Variants in PTPRD observed in about 807,000 individuals in gnomAD.
The protein encoded by PTPRD is receptor-type tyrosine-protein phosphatase delta.
A neutral mutation model predicts 214.5 loss-of-function variants in PTPRD; 34 were observed. That is an observed-to-expected ratio of 0.16 (90% CI 0.12 to 0.21). The LOEUF is 0.21. Among genes scored for constraint, PTPRD ranks in the 10% least tolerant of loss-of-function variants. The pLI is 1.00. For missense variants in PTPRD, 2,545 were observed against 2,398.7 expected (o/e 1.06, Z -1.27); for synonymous variants, 1,128 against 845.7 (o/e 1.33, Z -5.79).
intron 11 of PTPRD, among the ~76,000 whole-genome samples, chr9:8,736,814 C>A (rs1335029499): frequency 1.3e-5 from 2 of 151,888 alleles, no homozygotes; most frequent in Non-Finnish European, 2.9e-5. Flanking sequence ...TTATCAATCG[C>A]CTCTGAAAAT....
chr9:9,984,086 T>C (rs1051289493), intron 4 of PTPRD, among the ~76,000 whole-genome samples: 3 of 152,120 alleles, frequency 2.0e-5, no homozygotes, highest in Non-Finnish European at 4.4e-5. Context: ...TACTGTTTTT[T>C]CTCATTTTAA....
At chr9:10,410,290 ATAAT>A (rs1475263218) in intron 2 of PTPRD, among the ~76,000 whole-genome samples, 4,542 of 132,880 alleles carry the variant, frequency 0.034, 234 homozygotes, top group East Asian at 0.26. Context: ...CACACAATAT[ATAAT>A]ATATATAATA....
At chr9:9,160,880 T>G (rs1352940654) in intron 10 of PTPRD, among the ~76,000 whole-genome samples, 1 of 152,160 alleles carries the variant, frequency 6.6e-6, no homozygotes. Flanking sequence ...TTCAACAACA[T>G]GAATGAACCT....
intron 11 of PTPRD, among the ~76,000 whole-genome samples, chr9:8,911,440 T>TGTGA (rs1171435442): frequency 8.7e-5 from 13 of 149,112 alleles, no homozygotes; most frequent in African/African-American, 2.7e-4. Context: ...TGTGTGTGTG[T>TGTGA]GAGAGAGAGA....
intron 12 of PTPRD, among the ~76,000 whole-genome samples, chr9:8,722,914 T>A (rs974550840): frequency 2.0e-5 from 3 of 152,196 alleles, no homozygotes; most frequent in South Asian, 4.1e-4. Context: ...AAAGAAAATT[T>A]CAGTTAAGCT....
At chr9:9,537,793 C>A (rs1051161592) in intron 8 of PTPRD, among the ~76,000 whole-genome samples, 1 of 151,742 alleles carries the variant, frequency 6.6e-6, no homozygotes, top group Non-Finnish European at 1.5e-5. Flanking sequence ...CAGATACCAC[C>A]CATTATATAA....
At chr9:9,804,967 G>A (rs2099063813) in intron 5 of PTPRD, among the ~76,000 whole-genome samples, 1 of 152,134 alleles carries the variant, frequency 6.6e-6, no homozygotes, top group South Asian at 2.1e-4. Flanking sequence ...AAAATTTACT[G>A]ATAGTAACAC....
chr9:8,966,573 C>T (rs1164745411), intron 11 of PTPRD, among the ~76,000 whole-genome samples: 1 of 152,066 alleles, frequency 6.6e-6, no homozygotes, highest in South Asian at 2.1e-4. Context: ...AAGAATGAAA[C>T]TAGACCCCTA....
chr9:9,315,266 T>G (rs1005827097), intron 9 of PTPRD, among the ~76,000 whole-genome samples: 26 of 152,106 alleles, frequency 1.7e-4, no homozygotes, highest in African/African-American at 5.8e-4. Context: ...TTCTCGTATT[T>G]GATATACAGC....
intron 3 of PTPRD, among the ~76,000 whole-genome samples, chr9:10,217,731 A>T (rs75092315): frequency 5.9e-5 from 9 of 151,916 alleles, no homozygotes; most frequent in Non-Finnish European, 1.0e-4. Flanking sequence ...AACTACATGT[A>T]TATAATAATG....
At chr9:9,933,372 G>A (rs1292153892) in intron 5 of PTPRD, among the ~76,000 whole-genome samples, 2 of 151,828 alleles carry the variant, frequency 1.3e-5, no homozygotes, top group African/African-American at 4.9e-5. Flanking sequence ...AAAATAAAAG[G>A]ATGGAGGAAG....
chr9:8,446,880 C>T (rs990889202), intron 34 of PTPRD, among the ~76,000 whole-genome samples: 1 of 152,188 alleles, frequency 6.6e-6, no homozygotes, highest in African/African-American at 2.4e-5. Flanking sequence ...ACTGGGTTAA[C>T]AACCCCACAT....
At chr9:9,745,366 G>A (rs919808878) in intron 6 of PTPRD, among the ~76,000 whole-genome samples, 1 of 152,094 alleles carries the variant, frequency 6.6e-6, no homozygotes, top group Admixed American at 6.5e-5. Context: ...TCCTAGAAGT[G>A]AAATGAAGGC....
At chr9:8,712,737 C>A (rs10977257) in intron 12 of PTPRD, among the ~76,000 whole-genome samples, 4 of 150,466 alleles carry the variant, frequency 2.7e-5, no homozygotes, top group Admixed American at 6.6e-5. Context: ...GGGTGGGGGG[C>A]ATGGACTTTC....
In PTPRD at chr9:10,249,934, T is replaced by G. The variant is rs533934531; in HGVS notation, c.-545+91029A>C. The stretch of plus-strand genomic sequence containing the variant: ...TTAAATATTTTCCTCTAAACACAAT[T>G]AGAGACACATGCATACATCTGCCAA... On this transcript the variant is annotated intron_variant, in intron 3 of 45. Coordinates refer to ENST00000381196, the MANE Select transcript of PTPRD (RefSeq NM_002839.4). Among the ~76,000 whole-genome samples, 15 of 152,238 alleles carry G rather than the reference T, an allele frequency of 9.9e-5. No homozygotes were observed. In the East Asian group the frequency reaches 2.3e-3, roughly 24 times the overall value.
In PTPRD at chr9:8,773,467, C is replaced by A. The variant is rs533240494; in HGVS notation, c.-103-39521G>T. ...TTGGTTTCTCATCACTCAGAGGGCA[C>A]TGTACTTCAGGACCTGAAGTCCCAT... is the stretch of plus-strand genomic sequence containing the variant. On this transcript the variant is annotated intron_variant, in intron 11 of 45. Coordinates refer to ENST00000381196, the MANE Select transcript of PTPRD (RefSeq NM_002839.4). Among the ~76,000 whole-genome samples the A allele has an allele frequency of 1.1e-3, 171 of 152,298 alleles. 1 individual carries two copies. The highest frequency in any genetic ancestry group is 3.4e-3 in the Middle Eastern group (1 of 294).
intron 39 of PTPRD, among the ~76,000 whole-genome samples, chr9:8,350,654 C>G (rs1485382923): frequency 6.6e-6 from 1 of 152,068 alleles, no homozygotes; most frequent in Non-Finnish European, 1.5e-5. Context: ...TTGGGGTTCA[C>G]TACAAAAAAC....
chr9:9,186,312 G>A (rs2099931435), intron 9 of PTPRD, among the ~76,000 whole-genome samples: 1 of 152,092 alleles, frequency 6.6e-6, no homozygotes, highest in African/African-American at 2.4e-5. Flanking sequence ...TATGGCTGAG[G>A]AAACTGTAAG....
intron 3 of PTPRD, among the ~76,000 whole-genome samples, chr9:10,255,947 T>C (rs1316338577): frequency 1.3e-5 from 2 of 152,142 alleles, no homozygotes; most frequent in Non-Finnish European, 2.9e-5. Context: ...AGGAACCAGG[T>C]TGCACAGAAG....
Sources: gnomAD v4.1 joint callset for allele counts (sites outside exome capture counted in the v4.1 genomes callset) on GRCh38, gnomAD v4.1.1 for gene constraint, MANE v1.5 for transcripts, NCBI Gene and HGNC (gene_info 2026-07-23, HGNC 2026-07-21) for gene names.